Variants in RNF168 observed in about 807,000 individuals in gnomAD.
The protein encoded by RNF168 is ring finger protein 168, also known as E3 ubiquitin-protein ligase RNF168.
A neutral mutation model predicts 34.9 loss-of-function variants in RNF168; 34 were observed. The observed-to-expected ratio is 0.97, with a 90% CI of 0.74 to 1.30. The LOEUF is 1.30. Ranked by LOEUF, RNF168 falls within the 50% of genes most tolerant of loss-of-function variation. The pLI is 0.00. For synonymous variants in RNF168, 264 were observed against 254.7 expected, an observed-to-expected ratio of 1.04 and a Z score of -0.35; for missense variants, 725 against 682.5, an observed-to-expected ratio of 1.06 and a Z score of -0.69.
rs1309714065 is a variant in RNF168, at chr3:196,502,912, A to G, written c.262T>C (p.Cys88Arg). 8.1e-6 allele frequency: 13 copies of G among 1,613,888 alleles called. No homozygotes were observed. The Admixed American group carries it at 1.2e-4, about 14-fold the overall frequency. ...TIIQKHYPRE[C>R]KLRASGQESE... Reference sequence around the variant, plus strand: ...TCTTGGCCAGACGCTCTAAGCTTGCACTCCCTGGGATAGTGTTTTTGAATT... The same window carrying G: ...TCTTGGCCAGACGCTCTAAGCTTGCGCTCCCTGGGATAGTGTTTTTGAATT... The change falls in exon 1 of 6, where the codon TGC becomes CGC. Residue 88 changes from cysteine to arginine, a missense_variant. By Grantham distance (180) the Cys-to-Arg change is radical. Coordinates refer to ENST00000318037, the MANE Select transcript of RNF168 (RefSeq NM_152617.4).
In RNF168 at chr3:196,503,064, T is replaced by A. The variant is rs1428482662; in HGVS notation, c.110A>T (p.Lys37Ile). ...TTCGACGGTCGACTGGAAGCACGGT[T>A]TACACAGCGTGTGGTTACACGGGAG... ...VTLPCNHTLCKPCFQSTVEKA... is the reference protein window; with the variant it reads ...VTLPCNHTLCIPCFQSTVEKA... Residue 37 changes from lysine (K) to isoleucine (I), a missense_variant, in exon 1 of 6, where the codon AAA (lysine) becomes ATA (isoleucine). Lys to Ile is a moderately radical substitution (Grantham distance 102, BLOSUM62 -3). Coordinates refer to ENST00000318037, the MANE Select transcript of RNF168 (RefSeq NM_152617.4). 5.0e-6 allele frequency: 8 copies of A among 1,614,022 alleles called. No individual in the cohort carries two copies. Among genetic ancestry groups the A allele is most frequent in the Non-Finnish European group, 6.8e-6 (8 of 1,180,002 alleles).
rs57849945 is a variant in RNF168 at position 196,500,530 on chromosome 3, G to A, written c.301+2343C>T. 8.0e-3 allele frequency among the ~76,000 whole-genome samples: 1,223 copies of A among 152,294 alleles called. 19 individuals are homozygous for A. The highest frequency in any genetic ancestry group is 0.027 in the African/African-American group (1,141 of 41,542). On this transcript the variant is annotated intron_variant, in intron 1 of 5. Transcript: ENST00000318037. ...GGGAGGAACGGTGAGCCTCAAGGGT[G>A]TGGAAATTCAGTTTGGGAGGATTAA...
At chr3:196,474,404 A>T (rs1732090255) in intron 5 of RNF168, among the ~76,000 whole-genome samples, 2 of 149,672 alleles carry the variant, frequency 1.3e-5, no homozygotes, top group African/African-American at 2.5e-5. Flanking sequence ...TGCTAGGATT[A>T]CAGGCCTGAG....
At chr3:196,473,883 A>C (rs530494116) in intron 5 of RNF168, among the ~76,000 whole-genome samples, 20 of 152,220 alleles carry the variant, frequency 1.3e-4, no homozygotes, top group African/African-American at 4.6e-4. Flanking sequence ...TGGGACTTCT[A>C]TAAGTTACTT....
At position 196,503,178 on chromosome 3, in the gene RNF168, A is replaced by G. The variant is rs369899973; in HGVS notation, c.-5T>C. The G allele has an allele frequency of 8.1e-6, 13 of 1,613,508 alleles. No individual in the cohort carries two copies. Among genetic ancestry groups the G allele is most frequent in the East Asian group, 4.5e-5 (2 of 44,866 alleles). On this transcript the variant is annotated 5_prime_UTR_variant, in exon 1 of 6. Transcript: ENST00000318037. ...GGCGTCTTTGGGTAGAGCCATTTCA[A>G]TATGTTAGTAAAGCCGACTAAACAA...
At chr3:196,480,220 G>T (rs527745206) in intron 4 of RNF168, among the ~76,000 whole-genome samples, 2 of 152,044 alleles carry the variant, frequency 1.3e-5, no homozygotes, top group Admixed American at 6.6e-5. Context: ...TATGTTTGCT[G>T]CTCTGTGGTC....
At chr3:196,475,435 T>C (rs948759393) in intron 4 of RNF168, 123 bp from the exon 5 acceptor site, 3 of 700,402 alleles carry the variant, frequency 4.3e-6, no homozygotes, top group Non-Finnish European at 7.8e-6. Context: ...TCAGAGTGTA[T>C]CTCATTTCCG....
At chr3:196,498,449 T>C (rs936392119) in intron 1 of RNF168, among the ~76,000 whole-genome samples, 3 of 152,070 alleles carry the variant, frequency 2.0e-5, no homozygotes, top group Non-Finnish European at 4.4e-5. Context: ...AGGTAGTTTC[T>C]TATAAAAATA....
chr3:196,473,872 T>C (rs930201085), intron 5 of RNF168, among the ~76,000 whole-genome samples: 1 of 152,090 alleles, frequency 6.6e-6, no homozygotes, highest in East Asian at 1.9e-4. Flanking sequence ...AAGATAAAGC[T>C]TGGGACTTCT....
Position 196,472,741 on chromosome 3 carries a change from G to A in RNF168, c.794C>T (p.Thr265Ile). ...ATCTTCTATTTCTGTGTCTTGCCCT[G>A]TTGGGCTTTTCCTATCACTACTGTC... is the stretch of plus-strand genomic sequence containing the variant. The part of the protein sequence containing the change: ...DIDSSDRKSP[T>I]GQDTEIEDMP... Residue 265 changes from threonine to isoleucine, a missense_variant, in exon 6 of 6, where the codon ACA becomes ATA. Transcript: ENST00000318037. The A allele has an allele frequency of 6.2e-7, 1 of 1,610,538 alleles. No individual in the cohort carries two copies. The highest frequency in any genetic ancestry group is 1.1e-5 in the South Asian group (1 of 91,030).
rs1732959958 is a variant in RNF168 at position 196,503,567 on chromosome 3, G to A, written c.-394C>T. 4.2e-6 allele frequency: 1 copy of A among 238,612 alleles called. No homozygotes were observed. Among genetic ancestry groups the A allele is most frequent in the Admixed American group, 5.2e-5 (1 of 19,248 alleles). The allele number at this position is 238,612 out of a possible 1,614,324, so 14.8% of individuals were successfully genotyped here. On this transcript the variant is annotated 5_prime_UTR_variant, in exon 1 of 6. Transcript: ENST00000318037. ...GCTCCGCTCAGCTCGGGGCAGCCGG[G>A]CCCCGGGACGCGGCTCCGGGAGGAA...
At chr3:196,497,835 T>C (rs1271953889) in intron 1 of RNF168, among the ~76,000 whole-genome samples, 1 of 152,168 alleles carries the variant, frequency 6.6e-6, no homozygotes, top group Non-Finnish European at 1.5e-5. Flanking sequence ...CAATTAAGAA[T>C]ATCTGGCAAA....
chr3:196,501,952 T>C (rs1248746882), intron 1 of RNF168, among the ~76,000 whole-genome samples: 2 of 151,474 alleles, frequency 1.3e-5, no homozygotes, highest in Non-Finnish European at 2.9e-5. Flanking sequence ...AGCTTTTTCT[T>C]TTAACTATTG....
In RNF168 at chr3:196,472,566, T is replaced by C; in HGVS notation, c.969A>G (p.Lys323=). The C allele has an allele frequency of 6.2e-7, 1 of 1,614,252 alleles. No homozygotes were observed. Among genetic ancestry groups the C allele is most frequent in the Non-Finnish European group, 8.5e-7 (1 of 1,180,044 alleles). The change falls in exon 6 of 6, where the codon AAA becomes AAG. Residue 323 remains lysine, a synonymous_variant. Coordinates refer to ENST00000318037, the MANE Select transcript of RNF168 (RefSeq NM_152617.4). ...NVKTRPSNHG[K]ELCVLSHERP... Reference sequence around the variant, plus strand: ...GCTCGTGACTTAAGACACATAACTCTTTCCCATGATTGCTTGGTCTTGTTT... The same window carrying C: ...GCTCGTGACTTAAGACACATAACTCCTTCCCATGATTGCTTGGTCTTGTTT...
At chr3:196,491,917 G>A (rs1320321648) in intron 1 of RNF168, among the ~76,000 whole-genome samples, 2 of 152,124 alleles carry the variant, frequency 1.3e-5, no homozygotes, top group Non-Finnish European at 1.5e-5. Flanking sequence ...CCACTCGTAC[G>A]AGACACCTAG....
intron 4 of RNF168, among the ~76,000 whole-genome samples, chr3:196,476,753 C>CTTTTTTTTTTTTTTTTTTTTT (rs1732159297): frequency 6.8e-6 from 1 of 147,940 alleles, no homozygotes; most frequent in African/African-American, 2.6e-5. Context: ...CTTTACATTT[C>CTTTTTTTTTTTTTTTTTTTTT]TTTCTTTTTT....
chr3:196,495,742 G>A (rs1481067761), intron 1 of RNF168, among the ~76,000 whole-genome samples: 1 of 152,132 alleles, frequency 6.6e-6, no homozygotes, highest in East Asian at 1.9e-4. Context: ...GACTATATGA[G>A]TCCTCCGTTC....
At chr3:196,496,104 A>G (rs572994385) in intron 1 of RNF168, among the ~76,000 whole-genome samples, 4 of 152,228 alleles carry the variant, frequency 2.6e-5, no homozygotes, top group Non-Finnish European at 5.9e-5. Flanking sequence ...ATCAATGAAC[A>G]ATACTGAAAA....
chr3:196,476,797 G>A (rs34196595), intron 4 of RNF168, among the ~76,000 whole-genome samples: 79,633 of 151,162 alleles, frequency 0.53, 22,401 homozygotes, highest in Non-Finnish European at 0.63. Flanking sequence ...CGCCAGGCTG[G>A]AGTGCCGTGA....
Sources: allele counts gnomAD v4.1 joint callset (sites outside exome capture counted in the v4.1 genomes callset), GRCh38; gene constraint gnomAD v4.1.1; transcripts MANE v1.5; gene names NCBI Gene and HGNC (gene_info 2026-07-23, HGNC 2026-07-21).